The following CAST variants were observed in gnomAD, a reference collection of about 807,000 sequenced individuals.
CAST encodes MIR583 host.
A neutral mutation model predicts 119.6 loss-of-function variants in CAST; 76 were observed. The observed-to-expected ratio is 0.64, with a 90% CI of 0.53 to 0.77. CAST has a LOEUF of 0.77. CAST is among the 30% of genes least tolerant of loss of function. CAST has a pLI of 0.00. For missense variants in CAST, 953 were observed against 946.5 expected, an observed-to-expected ratio of 1.01 and a Z score of -0.09; for synonymous variants, 319 against 331.6, an observed-to-expected ratio of 0.96 and a Z score of 0.41.
chr5:96,307,432 G>A, the CAST span, among the ~76,000 whole-genome samples: 7 of 152,232 alleles, frequency 4.6e-5, no homozygotes, highest in Admixed American at 4.6e-4. Context: ...CTTTTAATTG[G>A]GGCATCTAGC....
chr5:96,242,097 G>T, the CAST span, among the ~76,000 whole-genome samples: 40 of 147,228 alleles, frequency 2.7e-4, no homozygotes, highest in East Asian at 3.9e-4. Context: ...TTTTGGCTTT[G>T]GTTGCCATTG....
the CAST span, among the ~76,000 whole-genome samples, chr5:96,511,552 C>T: frequency 7.2e-5 from 11 of 152,230 alleles, no homozygotes; most frequent in Non-Finnish European, 1.6e-4. Flanking sequence ...CACCACCCCT[C>T]TCCTAACCCC....
the CAST span, among the ~76,000 whole-genome samples, chr5:96,253,171 G>T: frequency 6.6e-6 from 1 of 152,136 alleles, no homozygotes; most frequent in East Asian, 1.9e-4. Flanking sequence ...TTTTGTGGTG[G>T]TTGCTAGCTT....
chr5:96,343,179 A>C, the CAST span, among the ~76,000 whole-genome samples: 1 of 152,200 alleles, frequency 6.6e-6, no homozygotes, highest in Admixed American at 6.5e-5. Flanking sequence ...ACTAAAAAAA[A>C]ACACATTTAC....
the CAST span, among the ~76,000 whole-genome samples, chr5:96,013,388 T>G: frequency 6.6e-6 from 1 of 152,042 alleles, no homozygotes; most frequent in African/African-American, 2.4e-5. Context: ...TATTATGTCT[T>G]GGATATATTC....
At chr5:96,080,064 C>T in the CAST span, among the ~76,000 whole-genome samples, 2 of 152,066 alleles carry the variant, frequency 1.3e-5, no homozygotes, top group Admixed American at 6.6e-5. Flanking sequence ...TGGTTAAAAG[C>T]ATAATTATTA....
the CAST span, among the ~76,000 whole-genome samples, chr5:96,382,616 A>G: frequency 6.6e-6 from 1 of 152,204 alleles, no homozygotes; most frequent in Non-Finnish European, 1.5e-5. Context: ...TGCCCATGAG[A>G]GCAGAGGGCA....
At chr5:96,144,349 C>T in the CAST span, among the ~76,000 whole-genome samples, 10 of 152,244 alleles carry the variant, frequency 6.6e-5, no homozygotes, top group East Asian at 1.9e-4. Flanking sequence ...CTGACCAAAA[C>T]GGAGTTTGAG....
At chr5:96,343,598 C>T in the CAST span, among the ~76,000 whole-genome samples, 1 of 152,162 alleles carries the variant, frequency 6.6e-6, no homozygotes, top group Non-Finnish European at 1.5e-5. Context: ...TACTGAGAAA[C>T]ACACAAAGGA....
chr5:96,760,523 T>C (rs1252333563), intron 24 of CAST, among the ~76,000 whole-genome samples: 2 of 151,934 alleles, frequency 1.3e-5, no homozygotes. Context: ...TTCTGCTTAT[T>C]ATCACATGGA....
chr5:96,688,648 T>A (rs1752353034), intron 2 of CAST, among the ~76,000 whole-genome samples: 1 of 152,218 alleles, frequency 6.6e-6, no homozygotes, highest in African/African-American at 2.4e-5. Context: ...ATACTTATAA[T>A]ATGTTATCAT....
intron 1 of CAST, among the ~76,000 whole-genome samples, chr5:96,647,451 C>G (rs1180660251): frequency 1.3e-5 from 2 of 152,092 alleles, no homozygotes; most frequent in Non-Finnish European, 1.5e-5. Context: ...TTGTGCTGTT[C>G]TAGCCAGTAT....
chr5:96,008,492 C>A, the CAST span, among the ~76,000 whole-genome samples: 2 of 152,188 alleles, frequency 1.3e-5, no homozygotes, highest in African/African-American at 4.8e-5. Context: ...ATTCCTCCAA[C>A]AACCTGGTTA....
At chr5:96,052,551 C>T in the CAST span, among the ~76,000 whole-genome samples, 1 of 152,302 alleles carries the variant, frequency 6.6e-6, no homozygotes, top group Admixed American at 6.5e-5. Flanking sequence ...ATTTGTAAAA[C>T]CTTGTTTCCC....
the CAST span, among the ~76,000 whole-genome samples, chr5:96,319,492 G>T: frequency 1.3e-5 from 2 of 152,184 alleles, no homozygotes; most frequent in African/African-American, 4.8e-5. Flanking sequence ...CATAATCTAT[G>T]CTACACTACC....
the CAST span, among the ~76,000 whole-genome samples, chr5:96,265,301 A>G: frequency 6.6e-6 from 1 of 151,896 alleles, no homozygotes; most frequent in Non-Finnish European, 1.5e-5. Flanking sequence ...GTAAATATAT[A>G]TATTTTTAAT....
At chr5:96,412,838 A>G in the CAST span, 2 of 509,166 alleles carry the variant, frequency 3.9e-6, no homozygotes, top group Middle Eastern at 9.0e-4. Context: ...GTGGAGCAGC[A>G]TCCTTGGATG....
chr5:96,246,081 A>G, the CAST span, among the ~76,000 whole-genome samples: 2 of 151,956 alleles, frequency 1.3e-5, no homozygotes, highest in African/African-American at 4.8e-5. Flanking sequence ...CCCTGGTCAG[A>G]GGTTCCAAAC....
the CAST span, among the ~76,000 whole-genome samples, chr5:95,968,809 A>G: frequency 1.3e-5 from 2 of 152,238 alleles, no homozygotes; most frequent in Non-Finnish European, 2.9e-5. Flanking sequence ...GGTTTTGGAA[A>G]ATTAAAAACC....
Sources: allele counts gnomAD v4.1 joint callset (sites outside exome capture counted in the v4.1 genomes callset), GRCh38; gene constraint gnomAD v4.1.1; transcripts MANE v1.5; gene names NCBI Gene and HGNC (gene_info 2026-07-23, HGNC 2026-07-21).